ITGB5: variants seen among roughly 807,000 people sequenced by gnomAD.
The protein encoded by ITGB5 is integrin beta-5.
A neutral mutation model predicts 84.8 loss-of-function variants in ITGB5; 38 were observed. The observed-to-expected ratio is 0.45, with a 90% CI of 0.35 to 0.59. The LOEUF (loss-of-function observed/expected upper bound fraction) is 0.59, where lower values mean the gene tolerates loss of function less well. ITGB5 is among the 20% of genes least tolerant of loss of function. The probability of loss-of-function intolerance (pLI) is 0.01; values close to 1 mark genes in which losing one functional copy is unlikely to be tolerated. For missense variants in ITGB5, 905 were observed against 1,034.5 expected (o/e 0.87, Z 1.72); for synonymous variants, 393 against 414.4 (o/e 0.95, Z 0.63).
At chr3:124,774,969 G>GCAGAGC (rs1447144831) in intron 10 of ITGB5, among the ~76,000 whole-genome samples, 1 of 152,248 alleles carries the variant, frequency 6.6e-6, no homozygotes, top group African/African-American at 2.4e-5. Context: ...GCTAGTGGCA[G>GCAGAGC]CAGAGCCAGG....
chr3:124,791,746 G>C (rs868028954), intron 10 of ITGB5: 1 of 152,198 alleles, frequency 6.6e-6, no homozygotes, highest in Non-Finnish European at 1.5e-5. Context: ...GCACCTTCAA[G>C]AGCAGAGTGG....
intron 5 of ITGB5, among the ~76,000 whole-genome samples, chr3:124,840,703 C>T (rs2064999195): frequency 6.6e-6 from 1 of 151,220 alleles, no homozygotes; most frequent in African/African-American, 2.4e-5. Context: ...CTCACACTGT[C>T]GCCCAGGCTG....
upstream of ITGB5, among the ~76,000 whole-genome samples, chr3:124,892,641 G>C (rs1455435150): frequency 6.9e-6 from 1 of 144,934 alleles, no homozygotes; most frequent in Non-Finnish European, 1.5e-5. Context: ...GCTGTGGTGA[G>C]CCATGATTGT....
At chr3:124,802,571 G>C (rs1321440960) in intron 9 of ITGB5, among the ~76,000 whole-genome samples, 1 of 152,236 alleles carries the variant, frequency 6.6e-6, no homozygotes, top group Non-Finnish European at 1.5e-5. Flanking sequence ...GCAGTCACAA[G>C]GGCCCCCACT....
intron 10 of ITGB5, chr3:124,787,578 G>A (rs2064099366): frequency 6.6e-6 from 1 of 152,224 alleles, no homozygotes; most frequent in Non-Finnish European, 1.5e-5. Context: ...ACAACACTTG[G>A]CTTATGAAGA....
intron 12 of ITGB5, among the ~76,000 whole-genome samples, chr3:124,766,924 T>C (rs2063776248): frequency 6.6e-6 from 1 of 152,208 alleles, no homozygotes; most frequent in Admixed American, 6.5e-5. Context: ...GAACTCAGGC[T>C]GTCCCCAGCC....
At chr3:124,785,300 G>T (rs2064064409) in intron 10 of ITGB5, among the ~76,000 whole-genome samples, 1 of 152,192 alleles carries the variant, frequency 6.6e-6, no homozygotes, top group Non-Finnish European at 1.5e-5. Context: ...AGGTGCACTT[G>T]TGTCCGGGCG....
Position 124,848,438 on chromosome 3 carries a change from C to T in ITGB5, c.482G>A (p.Gly161Asp). Residue 161 changes from glycine to aspartate, a missense_variant, in exon 4 of 15, where the codon GGC becomes GAC. This residue lies in a region of ITGB5 where 656 missense variants were observed against 734.7 expected (regional missense o/e 0.89). Transcript: ENST00000296181. ...KDDLDNIRSL[G>D]TKLAEEMRKL... is the part of the protein sequence containing the mutation. ...CCTCATCTCCTCCGCGAGTTTGGTG[C>T]CCAGGCTCCGGATATTGTCCAAGTC... 1 of 1,614,136 alleles carries T rather than the reference C, an allele frequency of 6.2e-7. No homozygotes were observed. Among genetic ancestry groups the T allele is most frequent in the East Asian group, 2.2e-5 (1 of 44,880 alleles).
intron 1 of ITGB5, among the ~76,000 whole-genome samples, chr3:124,875,136 A>G (rs903499118): frequency 6.6e-6 from 1 of 152,168 alleles, no homozygotes. Context: ...CAAATACATA[A>G]AGAATTCAAA....
At chr3:124,877,839 C>G (rs113782741) in intron 1 of ITGB5, among the ~76,000 whole-genome samples, 3 of 131,872 alleles carry the variant, frequency 2.3e-5, no homozygotes, top group African/African-American at 8.6e-5. Flanking sequence ...GGACTCTGAT[C>G]AAAGCCACAT....
chr3:124,778,659 G>C (rs778307281), intron 10 of ITGB5, among the ~76,000 whole-genome samples: 1 of 152,178 alleles, frequency 6.6e-6, no homozygotes, highest in African/African-American at 2.4e-5. Flanking sequence ...GGCGGAGATG[G>C]GGGACAAGGA....
intron 11 of ITGB5, among the ~76,000 whole-genome samples, chr3:124,773,386 A>G (rs571349332): frequency 2.0e-4 from 31 of 152,348 alleles, no homozygotes; most frequent in African/African-American, 6.3e-4. Context: ...TATTTTTGGT[A>G]CCAACACCAA....
intron 5 of ITGB5, among the ~76,000 whole-genome samples, chr3:124,833,637 G>C (rs1471793021): frequency 6.6e-6 from 1 of 152,184 alleles, no homozygotes; most frequent in African/African-American, 2.4e-5. Context: ...CAGCCTGGTG[G>C]ATGGGAGGGT....
At chr3:124,896,935 A>G (rs998931793) in intron 1 of ITGB5, among the ~76,000 whole-genome samples, 3 of 151,836 alleles carry the variant, frequency 2.0e-5, no homozygotes, top group African/African-American at 7.3e-5. Flanking sequence ...AAAAAATTTA[A>G]AAAGAAAAAG....
At chr3:124,805,029 TTGCCCTGCCCTGCCCTGCCCTCCCTCCC>T (rs1559942542) in intron 9 of ITGB5, among the ~76,000 whole-genome samples, 1 of 150,570 alleles carries the variant, frequency 6.6e-6, no homozygotes, top group Admixed American at 6.6e-5. Flanking sequence ...TTCCTTTCTT[TTGCCCTGCCCTGCCCTGCCCTCCCTCCC>T]TGCCCTGCCC....
At chr3:124,890,174 T>C (rs1934967026), upstream of ITGB5, among the ~76,000 whole-genome samples, 1 of 148,830 alleles carries the variant, frequency 6.7e-6, no homozygotes, top group South Asian at 2.2e-4. Context: ...CCTTAATAAC[T>C]ACAATAAAAA....
At chr3:124,798,578 C>A (rs1214935465) in intron 9 of ITGB5, among the ~76,000 whole-genome samples, 2 of 151,938 alleles carry the variant, frequency 1.3e-5, no homozygotes, top group African/African-American at 4.8e-5. Context: ...TGTCACCATG[C>A]CTGGCTAATT....
intron 10 of ITGB5, 69 bp downstream of exon 10, chr3:124,796,319 G>C: frequency 7.2e-7 from 1 of 1,391,792 alleles, no homozygotes. Context: ...TAAAAGGCAG[G>C]CTTTGGGAGG....
At chr3:124,872,505 G>A (rs72974546) in intron 2 of ITGB5, among the ~76,000 whole-genome samples, 3,555 of 152,216 alleles carry the variant, frequency 0.023, 130 homozygotes, top group African/African-American at 0.081. Flanking sequence ...GACCTCTGAG[G>A]CTGCCATGAT....
Sources: allele counts gnomAD v4.1 joint callset (sites outside exome capture counted in the v4.1 genomes callset), GRCh38; gene constraint gnomAD v4.1.1; regional missense constraint gnomAD v4.1.1; transcripts MANE v1.5; gene names NCBI Gene and HGNC (gene_info 2026-07-23, HGNC 2026-07-21).